The following ARFGAP1 variants were observed in gnomAD, a reference collection of about 807,000 sequenced individuals.
The protein encoded by ARFGAP1 is ARF GTPase activating protein 1, also known as ADP-ribosylation factor GTPase-activating protein 1.
In ARFGAP1, 26 loss-of-function variants were observed where a neutral mutation model predicts 54.0. The observed-to-expected ratio is 0.48, with a 90% confidence interval of 0.35 to 0.67. The LOEUF (loss-of-function observed/expected upper bound fraction) is 0.67, where lower values mean the gene tolerates loss of function less well. ARFGAP1 is among the 30% of genes least tolerant of loss of function. The probability of loss-of-function intolerance (pLI) is 0.00; values close to 1 mark genes in which losing one functional copy is unlikely to be tolerated. For missense variants in ARFGAP1, 525 were observed against 535.8 expected (o/e 0.98, Z 0.20); for synonymous variants, 248 against 211.9 (o/e 1.17, Z -1.48).
Position 63,277,225 on chromosome 20 carries a change from CAG to C in ARFGAP1, c.368_369del (p.Glu123ValfsTer42). On this transcript the variant is annotated frameshift_variant, in exon 5 of 13. Coordinates refer to ENST00000370283, the MANE Select transcript of ARFGAP1 (RefSeq NM_018209.4). LOFTEE classifies it high-confidence loss of function. ...GTCAGGTGGTCGCTCTGGCCGAAGG[CAG>C]AGAGTGGTCTCTGGAGTCATCACCT... is the stretch of plus-strand genomic sequence containing the variant. ...RDKVVALAEG[R>X]EWSLESSPAQ... is the part of the protein sequence containing the mutation. The C allele has an allele frequency of 6.2e-7, 1 of 1,612,718 alleles. No individual in the cohort carries two copies. Among genetic ancestry groups the C allele is most frequent in the Non-Finnish European group, 8.5e-7 (1 of 1,179,896 alleles).
rs1601380528 is a variant in ARFGAP1 at position 63,288,098 on chromosome 20, C to T, written c.*225C>T. The T allele has an allele frequency of 3.3e-6, 2 of 612,812 alleles. No homozygotes were observed. The highest frequency in any genetic ancestry group is 1.9e-5 in the South Asian group (1 of 51,774). The allele number at this position is 612,812 out of a possible 1,614,324, so 38.0% of individuals were successfully genotyped here. On this transcript the variant is annotated 3_prime_UTR_variant, in exon 13 of 13. Coordinates refer to ENST00000370283, the MANE Select transcript of ARFGAP1 (RefSeq NM_018209.4). ...TGTCCAGCCTGTGTGGGGGCCGTCC[C>T]GTCCCACACTCCCCTGGGCATTCTT...
chr20:63,285,718 G>A lies in ARFGAP1; in HGVS notation c.834+5G>A, dbSNP rs748140858. 8 of 1,613,162 alleles carry A rather than the reference G, an allele frequency of 5.0e-6. 1 individual carries two copies. In the East Asian group the frequency reaches 8.9e-5, roughly 18 times the overall value. On this transcript the variant is annotated splice_donor_5th_base_variant and intron_variant, in intron 11 of 12. Coordinates refer to ENST00000370283, the MANE Select transcript of ARFGAP1 (RefSeq NM_018209.4). ...GTCTCTCAGTTGGCGTCCAAGGTAG[G>A]GAGCCTGCCAGATACGCGGGCACAG...
In ARFGAP1 at chr20:63,284,450, C is replaced by G. The variant is rs113715855; in HGVS notation, c.718-416C>G. 1.8e-5 allele frequency: 20 copies of G among 1,102,442 alleles called. No homozygotes were observed. In the African/African-American group the frequency reaches 2.3e-4, roughly 13 times the overall value. The allele number at this position is 1,102,442 out of a possible 1,614,324, so 68.3% of individuals were successfully genotyped here. A position where few individuals can be genotyped will look rare whatever the true frequency, so the allele number is the denominator to read the frequency against. On this transcript the variant is annotated intron_variant, in intron 9 of 12. Transcript: ENST00000370283. ...AGCTTCTTCCTATGGCCCCAGCCTC[C>G]GTGCCCTCTTCCCTCCAGGGGGGAC...
chr20:63,276,257 T>TC lies in ARFGAP1; in HGVS notation c.170+59dup. The TC allele has an allele frequency of 6.3e-7, 1 of 1,584,412 alleles. No homozygotes were observed. Among genetic ancestry groups the TC allele is most frequent in the East Asian group, 2.2e-5 (1 of 44,682 alleles). The stretch of plus-strand genomic sequence containing the variant: ...AGCCTGCGGCCACCCCAGCATCTGT[T>TC]CCTGACACCAGAGGTGCTGACGCCA... On this transcript the variant is annotated intron_variant, in intron 3 of 12. Transcript: ENST00000370283. The surrounding 1 kb of genome is among the most constrained non-coding windows in gnomAD (Gnocchi z 5.2).
chr20:63,287,846 T>A lies in ARFGAP1; in HGVS notation c.1194T>A (p.Asp398Glu). The change falls in exon 13 of 13, where the codon GAT (aspartate) becomes GAA (glutamate). Residue 398 changes from aspartate to glutamate, a missense_variant. Transcript: ENST00000370283. ...KKAVPPAVPTDDGWDNQNW is the reference protein window; with the variant it reads ...KKAVPPAVPTEDGWDNQNW ...CAGTGCCGCCGGCCGTGCCCACTGA[T>A]GATGGCTGGGACAACCAGAACTGGT... The A allele has an allele frequency of 1.3e-6, 2 of 1,562,706 alleles. No homozygotes were observed. Among genetic ancestry groups the A allele is most frequent in the Non-Finnish European group, 1.7e-6 (2 of 1,153,834 alleles).
At chr20:63,282,576 G>A (rs1006381702) in intron 8 of ARFGAP1, among the ~76,000 whole-genome samples, 3 of 152,226 alleles carry the variant, frequency 2.0e-5, no homozygotes, top group African/African-American at 4.8e-5. Flanking sequence ...CGCTGCTCAC[G>A]TGTGCCCTCA....
rs2067611930 is a variant in ARFGAP1, at chr20:63,288,042, G to A, written c.*169G>A. ...ACCCGGGTGTGCGCCGCCTGCGCGT[G>A]GGGAGTCTTCGGTGCGTGGGGGCGG... On this transcript the variant is annotated 3_prime_UTR_variant, in exon 13 of 13. Coordinates refer to ENST00000370283, the MANE Select transcript of ARFGAP1 (RefSeq NM_018209.4). 3 of 823,344 alleles carry A rather than the reference G, an allele frequency of 3.6e-6. No individual in the cohort carries two copies. In the Admixed American group the frequency reaches 8.7e-5, roughly 24 times the overall value. 51.0% of individuals were successfully genotyped at this position (823,344 alleles called of 1,614,324 possible). A position where few individuals can be genotyped will look rare whatever the true frequency, so the allele number is the denominator to read the frequency against.
rs139009943 is a variant in ARFGAP1 at position 63,282,020 on chromosome 20, C to T, written c.684+673C>T. ...CCTGTCAGATGTCCCCGTGGTCACC[C>T]TGGCCCCGTGTCTTCCCCCGTCACA... On this transcript the variant is annotated intron_variant, in intron 8 of 12. Transcript: ENST00000370283. Among the ~76,000 whole-genome samples, 308 of 152,154 alleles carry T rather than the reference C, an allele frequency of 2.0e-3. 2 individuals are homozygous for T. Among genetic ancestry groups the T allele is most frequent in the African/African-American group, 6.9e-3 (287 of 41,480 alleles).
chr20:63,281,040 C>T (rs528984766), intron 7 of ARFGAP1, among the ~76,000 whole-genome samples: 2 of 152,184 alleles, frequency 1.3e-5, no homozygotes, highest in South Asian at 2.1e-4. Context: ...GTGGGAGCCA[C>T]GGGAGGCTGG....
intron 9 of ARFGAP1, chr20:63,284,475 C>A: frequency 9.0e-7 from 1 of 1,109,240 alleles, no homozygotes; most frequent in Non-Finnish European, 1.1e-6. Flanking sequence ...CCAGGGGGGA[C>A]TCGGTGCCTG....
At position 63,281,159 on chromosome 20, in the gene ARFGAP1, C is replaced by T. The variant is rs572018331; in HGVS notation, c.628-132C>T. 6.3e-4 allele frequency: 563 copies of T among 893,558 alleles called. 9 individuals carry two copies. The South Asian group carries it at 8.8e-3, about 14-fold the overall frequency. The allele number at this position is 893,558 out of a possible 1,614,324, so 55.4% of individuals were successfully genotyped here. A position where few individuals can be genotyped will look rare whatever the true frequency, so the allele number is the denominator to read the frequency against. On this transcript the variant is annotated intron_variant, in intron 7 of 12. Transcript: ENST00000370283. ...CTCCAGCAGCCTGGAGAAGCAGGCG[C>T]GGTGGGGTCAGGATGGGACGGGGGC...
At chr20:63,277,184 T>A in intron 4 of ARFGAP1, 21 bp from the exon 5 acceptor site, 1 of 1,606,606 alleles carries the variant, frequency 6.2e-7, no homozygotes, top group East Asian at 2.2e-5. Context: ...TGCTCTCGAA[T>A]GCCCTGTGTC....
chr20:63,287,703 T>TG lies in ARFGAP1; in HGVS notation c.1052dup (p.Cys351TrpfsTer48). The stretch of plus-strand genomic sequence containing the variant: ...GTCCCCGAGCAGCGACAGCTGGACG[T>TG]GCGCGGACACCTCCACCGAGAGGAG... On this transcript the variant is annotated frameshift_variant, in exon 13 of 13. Transcript: ENST00000370283. LOFTEE classifies it high-confidence loss of function. 6.2e-7 allele frequency: 1 copy of TG among 1,608,196 alleles called. No homozygotes were observed. Among genetic ancestry groups the TG allele is most frequent in the Non-Finnish European group, 8.5e-7 (1 of 1,178,574 alleles).
At chr20:63,286,012 C>G in intron 11 of ARFGAP1, 2 of 1,542,142 alleles carry the variant, frequency 1.3e-6, no homozygotes, top group South Asian at 2.4e-5. Context: ...ATCAGTCCCA[C>G]TGCTCTGCGG....
At chr20:63,284,510 C>G (rs1018326272) in intron 9 of ARFGAP1, 1 of 1,145,928 alleles carries the variant, frequency 8.7e-7, no homozygotes, top group Non-Finnish European at 1.1e-6. Context: ...AGAGGCGTTG[C>G]AGGTCAGCAT....
At chr20:63,285,020 G>A in intron 10 of ARFGAP1, 98 bp downstream of exon 10, 2 of 1,434,116 alleles carry the variant, frequency 1.4e-6, no homozygotes, top group East Asian at 4.9e-5. Flanking sequence ...CAGCAGCTGG[G>A]ACTCAGCGAG....
intron 4 of ARFGAP1, 123 bp from the exon 5 acceptor site, chr20:63,277,082 C>G: frequency 1.3e-6 from 1 of 756,484 alleles, no homozygotes; most frequent in Non-Finnish European, 2.2e-6. Context: ...TCGAGGGGGC[C>G]GGGAGGAGGC....
intron 9 of ARFGAP1, chr20:63,283,706 C>G: frequency 1.2e-6 from 1 of 811,842 alleles, no homozygotes; most frequent in Non-Finnish European, 2.0e-6. Context: ...CAGGGAGCGG[C>G]TGCTCCAGGG....
intron 8 of ARFGAP1, among the ~76,000 whole-genome samples, chr20:63,282,245 C>T (rs1362068731): frequency 6.6e-6 from 1 of 152,264 alleles, no homozygotes; most frequent in Non-Finnish European, 1.5e-5. Context: ...TGCCGAGCGT[C>T]AGCTTCTGGT....
Sources: gnomAD v4.1 joint callset for allele counts (sites outside exome capture counted in the v4.1 genomes callset) on GRCh38, gnomAD v4.1.1 for gene constraint, Gnocchi (gnomAD v3.1) non-coding constraint, MANE v1.5 for transcripts, NCBI Gene and HGNC (gene_info 2026-07-23, HGNC 2026-07-21) for gene names.